Variants in RFESD observed in about 807,000 individuals in gnomAD.
RFESD encodes Rieske domain-containing protein.
RFESD carries 16 observed loss-of-function variants against 24.4 expected under a neutral mutation model. That is an observed-to-expected ratio of 0.66 (90% CI 0.44 to 1.00). The LOEUF (loss-of-function observed/expected upper bound fraction) is 1.00. Ranked by LOEUF, RFESD falls within the 50% of genes least tolerant of loss-of-function variation. RFESD has a pLI of 0.00. For missense variants in RFESD, 208 were observed against 247.0 expected, an observed-to-expected ratio of 0.84 and a Z score of 1.06; for synonymous variants, 59 against 81.8, an observed-to-expected ratio of 0.72 and a Z score of 1.50.
intron 3 of RFESD, 65 bp downstream of exon 3, chr5:95,653,279 C>G: frequency 6.5e-7 from 1 of 1,543,812 alleles, no homozygotes; most frequent in Admixed American, 2.0e-5. Flanking sequence ...TCTGGTTGTG[C>G]CTGTAAGAGC....
At position 95,654,121 on chromosome 5, in the gene RFESD, G is replaced by T. The variant is rs769790910; in HGVS notation, c.219G>T (p.Val73=). 14 of 1,611,574 alleles carry T rather than the reference G, an allele frequency of 8.7e-6. No individual in the cohort carries two copies. In the East Asian group the frequency reaches 2.0e-4, roughly 23 times the overall value. Reference sequence around the variant, plus strand: ...AGAGGGAATATTCTTCTGTGTGTGTGGGCAGAGAAGATGACATTAAAAAAT... The same window carrying T: ...AGAGGGAATATTCTTCTGTGTGTGTTGGCAGAGAAGATGACATTAAAAAAT... ...PEKREYSSVC[V]GREDDIKKSE... Residue 73 remains valine (V), a synonymous_variant, in exon 4 of 6, where the codon GTG becomes GTT. Coordinates refer to ENST00000380005, the MANE Select transcript of RFESD (RefSeq NM_001131066.2).
At chr5:95,647,809 A>G (rs1480986781) in intron 1 of RFESD, 3 of 152,136 alleles carry the variant, frequency 2.0e-5, no homozygotes, top group African/African-American at 7.2e-5. Context: ...GAATAAAACT[A>G]ATGCCTACCC....
At chr5:95,649,512 G>A (rs958052685) in intron 1 of RFESD, among the ~76,000 whole-genome samples, 1 of 152,148 alleles carries the variant, frequency 6.6e-6, no homozygotes, top group South Asian at 2.1e-4. Context: ...ACCCAAAGTG[G>A]GATTATTATT....
intron 3 of RFESD, 85 bp downstream of exon 3, chr5:95,653,299 A>G: frequency 1.3e-6 from 2 of 1,522,790 alleles, no homozygotes; most frequent in Non-Finnish European, 8.8e-7. Context: ...CCAACTGTGT[A>G]CTCCAGGCAA....
intron 2 of RFESD, chr5:95,652,829 C>G (rs1398909081): frequency 8.0e-6 from 3 of 373,866 alleles, no homozygotes; most frequent in Non-Finnish European, 1.4e-5. Context: ...AAGCCACCAC[C>G]TTTTTCATGG....
chr5:95,656,538 G>A lies in RFESD; in HGVS notation c.*229G>A. The A allele has an allele frequency of 2.4e-6, 1 of 412,718 alleles. No individual in the cohort carries two copies. Among genetic ancestry groups the A allele is most frequent in the East Asian group, 4.1e-5 (1 of 24,572 alleles). 25.6% of individuals were successfully genotyped at this position (412,718 alleles called of 1,614,324 possible). A position where few individuals can be genotyped will look rare whatever the true frequency, so the allele number is the denominator to read the frequency against. On this transcript the variant is annotated 3_prime_UTR_variant, in exon 6 of 6. Coordinates refer to ENST00000380005, the MANE Select transcript of RFESD (RefSeq NM_001131066.2). ...CTTCTGGATTAATTAGAAACCTGAA[G>A]GTTATAGGTTTGGGATGTTCTGTTT... is the stretch of plus-strand genomic sequence containing the variant.
chr5:95,648,242 C>T (rs1212754738), intron 1 of RFESD, among the ~76,000 whole-genome samples: 1 of 152,142 alleles, frequency 6.6e-6, no homozygotes, highest in East Asian at 1.9e-4. Context: ...ATGGAGTTAG[C>T]ACCTTTAGAA....
intron 5 of RFESD, 78 bp from the exon 6 acceptor site, chr5:95,655,968 C>A (rs1279846697): frequency 7.3e-7 from 1 of 1,361,504 alleles, no homozygotes; most frequent in South Asian, 1.4e-5. Context: ...TAACCTGGTT[C>A]TTCTGCAGCA....
At chr5:95,647,274 G>A (rs147131082) in intron 1 of RFESD, 1 of 152,370 alleles carries the variant, frequency 6.6e-6, no homozygotes, top group East Asian at 1.9e-4. Flanking sequence ...ACAACTTGAA[G>A]TTAGGCAGGA....
At chr5:95,654,498 A>G (rs1458527202) in intron 5 of RFESD, 131 bp downstream of exon 5, 4 of 666,248 alleles carry the variant, frequency 6.0e-6, no homozygotes, top group African/African-American at 1.8e-5. Flanking sequence ...CATAAGATAA[A>G]TGAGAAATAT....
intron 1 of RFESD, among the ~76,000 whole-genome samples, chr5:95,650,542 G>A (rs1159675694): frequency 6.6e-6 from 1 of 152,156 alleles, no homozygotes; most frequent in Non-Finnish European, 1.5e-5. Context: ...CACTAACAGA[G>A]ATTTTACTCT....
rs767939074 is a variant in RFESD at position 95,656,230 on chromosome 5, CTCTT to C, written c.558_561del (p.Ser187MetfsTer18). ...GTAGACAACGGAAATATTTATGTGA[CTCTT>C]TCTAATGAACCTTTTAAGTGTGACT... On this transcript the variant is annotated frameshift_variant, in exon 6 of 6. Coordinates refer to ENST00000380005, the MANE Select transcript of RFESD (RefSeq NM_001131066.2). LOFTEE classifies it high-confidence loss of function. 2.5e-6 allele frequency: 4 copies of C among 1,613,560 alleles called. No individual in the cohort carries two copies. The highest frequency in any genetic ancestry group is 3.4e-6 in the Non-Finnish European group (4 of 1,179,486).
At chr5:95,652,561 C>A in intron 2 of RFESD, 1 of 447,266 alleles carries the variant, frequency 2.2e-6, no homozygotes, top group Non-Finnish European at 3.7e-6. Context: ...TACAGTTCAC[C>A]TAGCTGCACA....
At chr5:95,654,037 C>T in intron 3 of RFESD, 24 bp from the exon 4 acceptor site, 1 of 1,597,954 alleles carries the variant, frequency 6.3e-7, no homozygotes, top group South Asian at 1.1e-5. Context: ...CTTCTTGTAA[C>T]TTTCCTTCTT....
rs941757418 is a variant in RFESD, at chr5:95,657,794, T to C, written c.*1485T>C. On this transcript the variant is annotated 3_prime_UTR_variant, in exon 6 of 6. Transcript: ENST00000380005. ...ACTGTTTGTGGTAGCAGCTACTTAC[T>C]AAGTACAGAAAATGTACTATCTCTC... The C allele has an allele frequency of 2.6e-5, 4 of 152,132 alleles. No individual in the cohort carries two copies. The highest frequency in any genetic ancestry group is 5.9e-5 in the Non-Finnish European group (4 of 68,002). 9.4% of individuals were successfully genotyped at this position (152,132 alleles called of 1,614,324 possible). A position where few individuals can be genotyped will look rare whatever the true frequency, so the allele number is the denominator to read the frequency against.
In RFESD at chr5:95,658,064, A is replaced by G. The variant is rs1045694256; in HGVS notation, c.*1755A>G. The G allele has an allele frequency of 1.1e-4, 17 of 152,318 alleles. No homozygotes were observed. Among genetic ancestry groups the G allele is most frequent in the African/African-American group, 4.1e-4 (17 of 41,580 alleles). 9.4% of individuals were successfully genotyped at this position (152,318 alleles called of 1,614,324 possible). On this transcript the variant is annotated 3_prime_UTR_variant, in exon 6 of 6. Coordinates refer to ENST00000380005, the MANE Select transcript of RFESD (RefSeq NM_001131066.2). Reference sequence around the variant, plus strand: ...ATCTCTAAATCTAGAAATAAAAATCATATCATGTACTGTCTTCATATACAG... The same window carrying G: ...ATCTCTAAATCTAGAAATAAAAATCGTATCATGTACTGTCTTCATATACAG...
intron 1 of RFESD, among the ~76,000 whole-genome samples, chr5:95,649,338 T>C (rs1403499802): frequency 6.6e-6 from 1 of 152,208 alleles, no homozygotes; most frequent in Non-Finnish European, 1.5e-5. Flanking sequence ...TTAAGCCAAC[T>C]TGATGTAGAG....
chr5:95,654,147 C>G lies in RFESD; in HGVS notation c.245C>G (p.Ser82Cys). The change falls in exon 4 of 6, where the codon TCT becomes TGT. Residue 82 changes from serine (S) to cysteine (C), a missense_variant. Ser to Cys is a moderately radical substitution (Grantham distance 112, BLOSUM62 -1). Transcript: ENST00000380005. The part of the protein sequence containing the change: ...CVGREDDIKK[S>C]ERMTAVVHDR... The stretch of plus-strand genomic sequence containing the variant: ...GGCAGAGAAGATGACATTAAAAAAT[C>G]TGAAAGAATGACAGCTGTTGTCCAT... The G allele has an allele frequency of 1.2e-6, 2 of 1,612,272 alleles. No homozygotes were observed. Among genetic ancestry groups the G allele is most frequent in the Non-Finnish European group, 1.7e-6 (2 of 1,179,586 alleles).
intron 1 of RFESD, among the ~76,000 whole-genome samples, chr5:95,651,097 CAAA>C (rs1006612798): frequency 2.1e-5 from 1 of 48,372 alleles, no homozygotes; most frequent in African/African-American, 7.8e-5. Context: ...GACTCCGTCT[CAAA>C]AAAAAAAAAA....
Sources: allele counts gnomAD v4.1 joint callset (sites outside exome capture counted in the v4.1 genomes callset), GRCh38; gene constraint gnomAD v4.1.1; transcripts MANE v1.5; gene names NCBI Gene and HGNC (gene_info 2026-07-23, HGNC 2026-07-21).